The following AK5 variants were observed in gnomAD, a reference collection of about 807,000 sequenced individuals.
AK5 encodes adenylate kinase isoenzyme 5.
Under a neutral mutation model 69.5 loss-of-function variants are expected in AK5, and 27 were observed. The observed-to-expected ratio is 0.39, with a 90% CI of 0.29 to 0.54. The LOEUF (loss-of-function observed/expected upper bound fraction) is 0.54, where lower values mean the gene tolerates loss of function less well. Among genes scored for constraint, AK5 ranks in the 20% least tolerant of loss-of-function variants. The pLI, the probability that AK5 is intolerant of heterozygous loss-of-function variation, is 0.71. For missense variants in AK5, 531 were observed against 700.4 expected (o/e 0.76, Z 2.73); for synonymous variants, 260 against 244.4 (o/e 1.06, Z -0.60).
chr1:77,547,569 G>C (rs1293958375), intron 13 of AK5, among the ~76,000 whole-genome samples: 1 of 152,040 alleles, frequency 6.6e-6, no homozygotes, highest in Non-Finnish European at 1.5e-5. Context: ...ACTGTACCCA[G>C]CCATAAAATT....
At chr1:77,519,986 G>A (rs968516477) in intron 11 of AK5, among the ~76,000 whole-genome samples, 8 of 151,976 alleles carry the variant, frequency 5.3e-5, no homozygotes, top group South Asian at 2.1e-4. Context: ...GGTGAATCAC[G>A]AGGTCAGGAG....
chr1:77,523,201 T>A (rs1488608582), intron 12 of AK5, among the ~76,000 whole-genome samples: 1 of 152,188 alleles, frequency 6.6e-6, no homozygotes, highest in Non-Finnish European at 1.5e-5. Flanking sequence ...CCCCTACACT[T>A]CCTACATGAA....
At chr1:77,326,991 A>G (rs1381723004) in intron 5 of AK5, among the ~76,000 whole-genome samples, 1 of 152,214 alleles carries the variant, frequency 6.6e-6, no homozygotes, top group African/African-American at 2.4e-5. Flanking sequence ...GTGTTCACAT[A>G]CCAATAACAG....
chr1:77,436,344 G>A (rs2351033), intron 8 of AK5, among the ~76,000 whole-genome samples: 149,230 of 151,894 alleles, frequency 0.98, 73,359 homozygotes, highest in Middle Eastern at 1. Context: ...AATTATATAT[G>A]TTAATTAAAA....
intron 1 of AK5, chr1:77,283,212 A>T (rs1658162810): frequency 1.0e-6 from 1 of 985,356 alleles, no homozygotes; most frequent in Non-Finnish European, 1.2e-6. Context: ...CCCCTGTCTC[A>T]GGTCGTTTGG....
At chr1:77,370,855 G>T (rs554454370) in intron 6 of AK5, among the ~76,000 whole-genome samples, 9 of 152,274 alleles carry the variant, frequency 5.9e-5, no homozygotes, top group African/African-American at 1.7e-4. Context: ...CTTCCAGACA[G>T]GCCAGGGCCT....
chr1:77,504,398 T>TTTTGA (rs1448706511), intron 10 of AK5, among the ~76,000 whole-genome samples: 1 of 151,462 alleles, frequency 6.6e-6, no homozygotes, highest in East Asian at 1.9e-4. Flanking sequence ...ACTATTAGTA[T>TTTTGA]TTTGATTTAT....
rs533268697 is a variant in AK5 at position 77,374,687 on chromosome 1, G to A, written c.891+34119G>A. ...ATGTAAAAATTTAGCCAGATGTGGT[G>A]GCACCTATTTGTAGTTCTAGCTACT... On this transcript the variant is annotated intron_variant, in intron 6 of 13. Coordinates refer to ENST00000354567, the MANE Select transcript of AK5 (RefSeq NM_174858.3). 1.4e-4 allele frequency among the ~76,000 whole-genome samples: 21 copies of A among 152,044 alleles called. No homozygotes were observed. In the South Asian group the frequency reaches 1.7e-3, roughly 12 times the overall value.
In AK5 at chr1:77,498,511, T is replaced by C. The variant is rs115588254; in HGVS notation, c.1147+12159T>C. On this transcript the variant is annotated intron_variant, in intron 10 of 13. Transcript: ENST00000354567. Reference sequence around the variant, plus strand: ...CTACATGAGTTCGAATGTCGGCTCCTACATGTACAGCTGTGTGACCTTGGG... The same window carrying C: ...CTACATGAGTTCGAATGTCGGCTCCCACATGTACAGCTGTGTGACCTTGGG... Among the ~76,000 whole-genome samples, 678 of 152,372 alleles carry C rather than the reference T, an allele frequency of 4.4e-3. 5 individuals are homozygous for C. Among genetic ancestry groups the C allele is most frequent in the African/African-American group, 0.016 (647 of 41,592 alleles).
intron 5 of AK5, chr1:77,313,916 G>C (rs1490891179): frequency 1.9e-6 from 1 of 522,288 alleles, no homozygotes; most frequent in Non-Finnish European, 3.9e-6. Flanking sequence ...TAAGAAAGCA[G>C]AAGTCTTTGC....
chr1:77,337,897 C>T (rs1661446513), intron 5 of AK5, among the ~76,000 whole-genome samples: 1 of 152,142 alleles, frequency 6.6e-6, no homozygotes, highest in Admixed American at 6.5e-5. Context: ...CCTTTCCTAG[C>T]ATACGCCTGT....
At chr1:77,377,898 C>A (rs978538341) in intron 6 of AK5, among the ~76,000 whole-genome samples, 2 of 152,166 alleles carry the variant, frequency 1.3e-5, no homozygotes, top group Admixed American at 6.5e-5. Context: ...ACTCTTTAAG[C>A]CTTAACTTGA....
chr1:77,475,370 AATATATATTATATATATGT>A lies in AK5; in HGVS notation c.1060-7938_1060-7920del, dbSNP rs1557619677. ...TATACATATATATTATATATATACAAATATATATTATATATATGTATATATATAATATATATGTATATAT... is the reference window on the plus strand; with the variant it reads ...TATACATATATATTATATATATACAAATATATATAATATATATGTATATAT... On this transcript the variant is annotated intron_variant, in intron 8 of 13. Coordinates refer to ENST00000354567, the MANE Select transcript of AK5 (RefSeq NM_174858.3). Among the ~76,000 whole-genome samples the A allele has an allele frequency of 2.9e-4, 34 of 118,490 alleles. 1 individual carries two copies. The South Asian group carries it at 5.2e-3, about 18-fold the overall frequency. 77.7% of individuals were successfully genotyped at this position (118,490 alleles called of 152,430 possible).
chr1:77,286,554 A>G (rs1658362404), intron 1 of AK5, among the ~76,000 whole-genome samples: 1 of 152,034 alleles, frequency 6.6e-6, no homozygotes, highest in African/African-American at 2.4e-5. Flanking sequence ...TATTTTAACA[A>G]AGGTGGGTGG....
At chr1:77,472,572 C>T (rs1313723164) in intron 8 of AK5, among the ~76,000 whole-genome samples, 1 of 151,854 alleles carries the variant, frequency 6.6e-6, no homozygotes, top group Non-Finnish European at 1.5e-5. Context: ...GTGGGCTCTA[C>T]CTGCAAGAAA....
intron 6 of AK5, among the ~76,000 whole-genome samples, chr1:77,358,018 T>TGTGTGTGAGAGA (rs762714026): frequency 3.5e-4 from 45 of 128,270 alleles, no homozygotes; most frequent in East Asian, 1.7e-3. Context: ...TGTGTGTGTG[T>TGTGTGTGAGAGA]GAGAGAGAGA....
chr1:77,367,640 T>TAAAATA (rs1345965798), intron 6 of AK5, among the ~76,000 whole-genome samples: 1 of 84,702 alleles, frequency 1.2e-5, no homozygotes, highest in Non-Finnish European at 2.2e-5. Flanking sequence ...AATATATATG[T>TAAAATA]TATGTTATAT....
intron 1 of AK5, among the ~76,000 whole-genome samples, chr1:77,286,465 T>C (rs1368279849): frequency 6.6e-6 from 1 of 151,574 alleles, no homozygotes; most frequent in Non-Finnish European, 1.5e-5. Flanking sequence ...CATCAGATCG[T>C]AATTTCAACT....
intron 5 of AK5, among the ~76,000 whole-genome samples, chr1:77,312,570 GCAT>G (rs1344049204): frequency 6.8e-6 from 1 of 147,268 alleles, no homozygotes; most frequent in Non-Finnish European, 1.5e-5. Flanking sequence ...AGGCAAGATT[GCAT>G]CACCACACTC....
Sources: gnomAD v4.1 joint callset for allele counts (sites outside exome capture counted in the v4.1 genomes callset) on GRCh38, gnomAD v4.1.1 for gene constraint, MANE v1.5 for transcripts, NCBI Gene and HGNC (gene_info 2026-07-23, HGNC 2026-07-21) for gene names.